Variants in PDE3A observed in about 807,000 individuals in gnomAD.
The protein encoded by PDE3A is phosphodiesterase 3A.
In PDE3A, 43 loss-of-function variants were observed where a neutral mutation model predicts 98.3. The observed-to-expected ratio is 0.44, with a 90% CI of 0.34 to 0.56. The LOEUF (loss-of-function observed/expected upper bound fraction) is 0.56, where lower values mean the gene tolerates loss of function less well. Ranked by LOEUF, PDE3A falls within the 20% of genes least tolerant of loss-of-function variation. The probability of loss-of-function intolerance (pLI) is 0.01; values close to 1 mark genes in which losing one functional copy is unlikely to be tolerated. For missense variants in PDE3A, 1,427 were observed against 1,440.7 expected (o/e 0.99, Z 0.15); for synonymous variants, 663 against 567.9 (o/e 1.17, Z -2.38).
At chr12:20,428,891 C>T (rs1436548389) in intron 1 of PDE3A, among the ~76,000 whole-genome samples, 2 of 152,146 alleles carry the variant, frequency 1.3e-5, no homozygotes, top group African/African-American at 4.8e-5. Flanking sequence ...CAACCTAAGT[C>T]TTTTGACAAG....
intron 2 of PDE3A, among the ~76,000 whole-genome samples, chr12:20,570,394 T>A (rs1300676319): frequency 2.0e-5 from 2 of 97,954 alleles, no homozygotes; most frequent in East Asian, 3.1e-4. Flanking sequence ...GGCAACAGAA[T>A]GCGACGCTGT....
intron 1 of PDE3A, among the ~76,000 whole-genome samples, chr12:20,402,560 C>T (rs186762214): frequency 6.6e-6 from 1 of 152,056 alleles, no homozygotes; most frequent in Non-Finnish European, 1.5e-5. Flanking sequence ...ACGGTGGGCC[C>T]TAGATGTTGG....
At chr12:20,554,650 G>T (rs766021488) in intron 1 of PDE3A, among the ~76,000 whole-genome samples, 1 of 151,226 alleles carries the variant, frequency 6.6e-6, no homozygotes, top group Admixed American at 6.6e-5. Flanking sequence ...GCAGCAGCGC[G>T]ATCTCAGCTC....
intron 1 of PDE3A, among the ~76,000 whole-genome samples, chr12:20,538,574 G>A (rs1207190563): frequency 1.3e-5 from 2 of 152,136 alleles, no homozygotes; most frequent in African/African-American, 4.8e-5. Context: ...TGTGAATAAG[G>A]AAGAAGAATA....
At chr12:20,545,399 AATTTACACTGGCTGCT>A (rs1188639853) in intron 1 of PDE3A, among the ~76,000 whole-genome samples, 1 of 151,984 alleles carries the variant, frequency 6.6e-6, no homozygotes, top group African/African-American at 2.4e-5. Context: ...GTGCTTATGA[AATTTACACTGGCTGCT>A]ATATTGAAAT....
rs548064327 is a variant in PDE3A, at chr12:20,371,660, A to G, written c.960+1416A>G. Reference sequence around the variant, plus strand: ...ATCATAGTCTGTTTATTTTAAAGCAAATGTAGTTATTTGCTTTTTGTTTCG... The same window carrying G: ...ATCATAGTCTGTTTATTTTAAAGCAGATGTAGTTATTTGCTTTTTGTTTCG... On this transcript the variant is annotated intron_variant, in intron 1 of 15. Transcript: ENST00000359062. 2.0e-5 allele frequency among the ~76,000 whole-genome samples: 3 copies of G among 152,216 alleles called. No individual in the cohort carries two copies. In the South Asian group the frequency reaches 6.2e-4, roughly 32 times the overall value.
intron 15 of PDE3A, among the ~76,000 whole-genome samples, chr12:20,671,357 G>A (rs992621937): frequency 1.3e-5 from 2 of 152,076 alleles, no homozygotes; most frequent in Non-Finnish European, 2.9e-5. Flanking sequence ...TATGAGGCTA[G>A]CATCATCCTG....
intron 1 of PDE3A, among the ~76,000 whole-genome samples, chr12:20,544,129 A>T (rs1049807600): frequency 3.3e-5 from 5 of 150,786 alleles, no homozygotes; most frequent in African/African-American, 1.2e-4. Context: ...AGTATTTTTT[A>T]TGCTTACATA....
rs747134710 is a variant in PDE3A, at chr12:20,650,432, A to G, written c.2770-13A>G. ...TCAAAGCAAAACATATATTAACTTT[A>G]TCTCTCAAATAGGTAAATGATGATG... On this transcript the variant is annotated splice_polypyrimidine_tract_variant and intron_variant, in intron 13 of 15. Coordinates refer to ENST00000359062, the MANE Select transcript of PDE3A (RefSeq NM_000921.5). 2 of 1,571,154 alleles carry G rather than the reference A, an allele frequency of 1.3e-6. No homozygotes were observed. The highest frequency in any genetic ancestry group is 1.7e-6 in the Non-Finnish European group (2 of 1,151,760).
chr12:20,645,240 C>G (rs1944749964), intron 10 of PDE3A, among the ~76,000 whole-genome samples: 1 of 151,986 alleles, frequency 6.6e-6, no homozygotes, highest in East Asian at 1.9e-4. Flanking sequence ...AACCCACATC[C>G]AGGCCTTTCC....
At chr12:20,437,504 C>G (rs1309559425) in intron 1 of PDE3A, among the ~76,000 whole-genome samples, 2 of 152,116 alleles carry the variant, frequency 1.3e-5, no homozygotes, top group East Asian at 3.9e-4. Flanking sequence ...ATGGTGCTGG[C>G]CTCTGCTCAG....
rs1946045174 is a variant in PDE3A, at chr12:20,688,548, GAA to G, written c.*8278_*8279del. ...GATTATCTATGTCGATGTTATGAGTGAAGATAATGTATAATATAAAAATAATT... is the reference window on the plus strand; with the variant it reads ...GATTATCTATGTCGATGTTATGAGTGGATAATGTATAATATAAAAATAATT... On this transcript the variant is annotated 3_prime_UTR_variant, in exon 16 of 16. Coordinates refer to ENST00000359062, the MANE Select transcript of PDE3A (RefSeq NM_000921.5). 6.6e-6 allele frequency among the ~76,000 whole-genome samples: 1 copy of G among 151,780 alleles called. No homozygotes were observed. Among genetic ancestry groups the G allele is most frequent in the Non-Finnish European group, 1.5e-5 (1 of 67,918 alleles).
chr12:20,401,980 G>A (rs1392818166), intron 1 of PDE3A, among the ~76,000 whole-genome samples: 5 of 152,146 alleles, frequency 3.3e-5, no homozygotes, highest in Admixed American at 6.5e-5. Flanking sequence ...TAACAATAGT[G>A]TGGAATTTGG....
rs1179066697 is a variant in PDE3A at position 20,552,531 on chromosome 12, G to A, written c.961-4129G>A. 6 of 1,613,080 alleles carry A rather than the reference G, an allele frequency of 3.7e-6. No individual in the cohort carries two copies. The African/African-American group carries it at 8.0e-5, about 22-fold the overall frequency. Reference sequence around the variant, plus strand: ...AGAGGGAGGAGGAGGAGCAGCAGGAGGGGGGCTTCGCGTCCCCCAGGACGG... The same window carrying A: ...AGAGGGAGGAGGAGGAGCAGCAGGAAGGGGGCTTCGCGTCCCCCAGGACGG... On this transcript the variant is annotated intron_variant, in intron 1 of 15. Coordinates refer to ENST00000359062, the MANE Select transcript of PDE3A (RefSeq NM_000921.5). The surrounding 1 kb of genome is among the most constrained non-coding windows in gnomAD (Gnocchi z 5.1).
intron 1 of PDE3A, among the ~76,000 whole-genome samples, chr12:20,426,110 T>C (rs1253858783): frequency 1.3e-5 from 2 of 152,176 alleles, no homozygotes; most frequent in East Asian, 1.9e-4. Context: ...AAATACTTAA[T>C]GCTGTTGAGG....
intron 10 of PDE3A, among the ~76,000 whole-genome samples, chr12:20,645,886 T>C (rs1349965744): frequency 6.6e-6 from 1 of 152,216 alleles, no homozygotes; most frequent in Non-Finnish European, 1.5e-5. Flanking sequence ...TTTTTCTTTT[T>C]AAGTATTTCT....
intron 15 of PDE3A, among the ~76,000 whole-genome samples, chr12:20,669,745 A>T (rs1367671148): frequency 6.6e-6 from 1 of 152,234 alleles, no homozygotes; most frequent in African/African-American, 2.4e-5. Flanking sequence ...CTGCAAAATC[A>T]TGCCAAGATG....
chr12:20,538,449 C>T (rs140017685), intron 1 of PDE3A, among the ~76,000 whole-genome samples: 139 of 152,164 alleles, frequency 9.1e-4, no homozygotes, highest in East Asian at 4.7e-3. Flanking sequence ...GACTTCTGCC[C>T]GTATCTCATT....
intron 1 of PDE3A, among the ~76,000 whole-genome samples, chr12:20,385,419 C>A (rs113150763): frequency 0.4 from 60,273 of 151,622 alleles, 13,098 homozygotes; most frequent in South Asian, 0.5. Flanking sequence ...TACCATTTGA[C>A]CCAGCCATCC....
Sources: allele counts gnomAD v4.1 joint callset (sites outside exome capture counted in the v4.1 genomes callset), GRCh38; gene constraint gnomAD v4.1.1; non-coding constraint Gnocchi (gnomAD v3.1); transcripts MANE v1.5; gene names NCBI Gene and HGNC (gene_info 2026-07-23, HGNC 2026-07-21).